DKK2: variants seen among roughly 807,000 people sequenced by gnomAD.
DKK2 encodes the protein dickkopf-related protein 2.
Under a neutral mutation model 28.1 loss-of-function variants are expected in DKK2, and 11 were observed. The observed-to-expected ratio is 0.39, with a 90% confidence interval of 0.25 to 0.65. The LOEUF is 0.65. Among genes scored for constraint, DKK2 ranks in the 30% least tolerant of loss-of-function variants. The pLI is 0.47. For missense variants in DKK2, 326 were observed against 335.5 expected, an observed-to-expected ratio of 0.97 and a Z score of 0.22; for synonymous variants, 135 against 126.5, an observed-to-expected ratio of 1.07 and a Z score of -0.45.
chr4:106,982,081 ATT>A (rs1374880545), intron 1 of DKK2, among the ~76,000 whole-genome samples: 1 of 152,218 alleles, frequency 6.6e-6, no homozygotes, highest in Non-Finnish European at 1.5e-5. Context: ...CAGAACAAAT[ATT>A]TTAAGATTTG....
intron 1 of DKK2, among the ~76,000 whole-genome samples, chr4:107,017,006 C>G (rs1723617071): frequency 6.6e-6 from 1 of 151,932 alleles, no homozygotes; most frequent in Non-Finnish European, 1.5e-5. Context: ...CATTAAGTCA[C>G]AAAAGGAGCG....
At chr4:107,022,891 G>T (rs1162002985) in intron 1 of DKK2, among the ~76,000 whole-genome samples, 1 of 151,990 alleles carries the variant, frequency 6.6e-6, no homozygotes. Context: ...TTTCTAACTT[G>T]GTCAAATGGT....
chr4:106,948,791 A>C (rs1389557059), intron 1 of DKK2, among the ~76,000 whole-genome samples: 1 of 152,166 alleles, frequency 6.6e-6, no homozygotes, highest in Non-Finnish European at 1.5e-5. Flanking sequence ...ATCAAAGGTA[A>C]GAGGGCTTCT....
intron 1 of DKK2, among the ~76,000 whole-genome samples, chr4:106,940,270 CAAAT>C (rs1024699790): frequency 1.4e-4 from 22 of 152,194 alleles, no homozygotes; most frequent in Admixed American, 8.5e-4. Context: ...CAAGAAAAAA[CAAAT>C]AACCCCATCA....
intron 1 of DKK2, among the ~76,000 whole-genome samples, chr4:107,013,954 T>A (rs1037875594): frequency 6.6e-6 from 1 of 151,328 alleles, no homozygotes; most frequent in Non-Finnish European, 1.5e-5. Context: ...ATCAGAGAAA[T>A]GCAGAGAATG....
intron 1 of DKK2, among the ~76,000 whole-genome samples, chr4:106,987,581 C>T (rs1262329956): frequency 6.6e-6 from 1 of 151,742 alleles, no homozygotes; most frequent in Admixed American, 6.6e-5. Context: ...ACTAGCCACT[C>T]AGACTCTTTC....
At chr4:106,969,945 C>T (rs1167917788) in intron 1 of DKK2, among the ~76,000 whole-genome samples, 1 of 152,026 alleles carries the variant, frequency 6.6e-6, no homozygotes, top group African/African-American at 2.4e-5. Context: ...AAAAGAGGGA[C>T]TCTTAATATA....
chr4:107,034,506 G>C (rs1336340988), intron 1 of DKK2, among the ~76,000 whole-genome samples: 1 of 152,184 alleles, frequency 6.6e-6, no homozygotes, highest in Admixed American at 6.5e-5. Flanking sequence ...TTGTATAACA[G>C]TTTGCAAGTG....
At chr4:106,991,260 C>T (rs1397190078) in intron 1 of DKK2, among the ~76,000 whole-genome samples, 1 of 152,036 alleles carries the variant, frequency 6.6e-6, no homozygotes, top group Non-Finnish European at 1.5e-5. Flanking sequence ...GGTTTGTACA[C>T]CTACAATCTA....
intron 1 of DKK2, among the ~76,000 whole-genome samples, chr4:106,997,748 T>C (rs1723296744): frequency 6.6e-6 from 1 of 152,232 alleles, no homozygotes; most frequent in South Asian, 2.1e-4. Flanking sequence ...GAAATGCATA[T>C]TCAGGTCTGC....
At chr4:107,020,944 C>G (rs1228012386) in intron 1 of DKK2, among the ~76,000 whole-genome samples, 2 of 152,002 alleles carry the variant, frequency 1.3e-5, no homozygotes, top group African/African-American at 4.8e-5. Context: ...TTAACTGCTT[C>G]TGGAACACCA....
intron 1 of DKK2, among the ~76,000 whole-genome samples, chr4:107,028,726 A>G (rs980359069): frequency 2.6e-5 from 4 of 152,202 alleles, no homozygotes; most frequent in African/African-American, 9.6e-5. Context: ...GTAAGGAAAA[A>G]GCAAAAGCAA....
chr4:106,931,823 AAATT>A (rs1724508697), intron 1 of DKK2, among the ~76,000 whole-genome samples: 2 of 152,156 alleles, frequency 1.3e-5, no homozygotes. Flanking sequence ...CACTTTTAAA[AAATT>A]AAGTATAAGA....
At chr4:106,997,039 T>C (rs531805341) in intron 1 of DKK2, among the ~76,000 whole-genome samples, 46 of 152,220 alleles carry the variant, frequency 3.0e-4, no homozygotes, top group African/African-American at 1.0e-3. Context: ...TTTAGAACAC[T>C]CCTGGAGAGT....
At chr4:106,983,331 A>AAAGGAC in intron 1 of DKK2, among the ~76,000 whole-genome samples, 1 of 128,510 alleles carries the variant, frequency 7.8e-6, no homozygotes, top group Non-Finnish European at 1.7e-5. Flanking sequence ...AAAGAAAGGA[A>AAAGGAC]GAAAGGAAGA....
intron 1 of DKK2, among the ~76,000 whole-genome samples, chr4:106,927,141 T>A (rs1194616940): frequency 6.6e-6 from 1 of 152,242 alleles, no homozygotes; most frequent in African/African-American, 2.4e-5. Flanking sequence ...AACTATGGGA[T>A]AAAATGGTTA....
At chr4:106,985,349 G>C (rs536630782) in intron 1 of DKK2, among the ~76,000 whole-genome samples, 28 of 151,958 alleles carry the variant, frequency 1.8e-4, no homozygotes, top group Admixed American at 6.6e-4. Context: ...ATGATGTTTT[G>C]TCTCTTGACT....
At position 107,031,250 on chromosome 4, in the gene DKK2, A is replaced by G. The variant is rs1723870733; in HGVS notation, c.222+4120T>C. Reference sequence around the variant, plus strand: ...GTGTTAGTCAATGTCCAGAGAGGCTATCAGATTATTTACTCCTAAGCAGGA... The same window carrying G: ...GTGTTAGTCAATGTCCAGAGAGGCTGTCAGATTATTTACTCCTAAGCAGGA... On this transcript the variant is annotated intron_variant, in intron 1 of 3. Transcript: ENST00000285311. 4.6e-5 allele frequency among the ~76,000 whole-genome samples: 7 copies of G among 151,988 alleles called. No homozygotes were observed. In the South Asian group the frequency reaches 1.4e-3, roughly 31 times the overall value.
chr4:107,002,756 G>A (rs750412452), intron 1 of DKK2, among the ~76,000 whole-genome samples: 5 of 152,188 alleles, frequency 3.3e-5, no homozygotes, highest in Non-Finnish European at 7.3e-5. Context: ...TAGCATTACA[G>A]TAATTAAAAG....
Sources: gnomAD v4.1 joint callset for allele counts (sites outside exome capture counted in the v4.1 genomes callset) on GRCh38, gnomAD v4.1.1 for gene constraint, MANE v1.5 for transcripts, NCBI Gene and HGNC (gene_info 2026-07-23, HGNC 2026-07-21) for gene names.